The following PHACTR1 variants were observed in gnomAD, a reference collection of about 807,000 sequenced individuals.
The protein encoded by PHACTR1 is RPEL repeat containing 1.
PHACTR1 carries 16 observed loss-of-function variants against 69.2 expected under a neutral mutation model. The observed-to-expected ratio is 0.23, with a 90% CI of 0.16 to 0.35. The LOEUF (loss-of-function observed/expected upper bound fraction) is 0.35, where lower values mean the gene tolerates loss of function less well. Ranked by LOEUF, PHACTR1 falls within the 10% of genes least tolerant of loss-of-function variation. PHACTR1 has a pLI of 1.00. For synonymous variants in PHACTR1, 312 were observed against 284.5 expected, an observed-to-expected ratio of 1.10 and a Z score of -0.97; for missense variants, 510 against 734.7, an observed-to-expected ratio of 0.69 and a Z score of 3.54.
At chr6:13,164,433 G>A (rs1042755301) in intron 6 of PHACTR1, among the ~76,000 whole-genome samples, 2 of 152,050 alleles carry the variant, frequency 1.3e-5, no homozygotes, top group African/African-American at 4.8e-5. Context: ...GCTAGTTACC[G>A]GCAGCAAAAT....
At chr6:12,866,059 C>T (rs1340905841) in intron 4 of PHACTR1, among the ~76,000 whole-genome samples, 1 of 152,142 alleles carries the variant, frequency 6.6e-6, no homozygotes, top group Non-Finnish European at 1.5e-5. Flanking sequence ...GGGAGATTTA[C>T]AACTCTTTCA....
intron 4 of PHACTR1, among the ~76,000 whole-genome samples, chr6:13,024,670 TA>T (rs528664826): frequency 1.1e-3 from 166 of 152,340 alleles, no homozygotes; most frequent in Non-Finnish European, 1.1e-3. Context: ...GGCTGTTTTC[TA>T]CTAGTCATGA....
chr6:12,775,458 G>A (rs551635040), intron 4 of PHACTR1, among the ~76,000 whole-genome samples: 1 of 152,152 alleles, frequency 6.6e-6, no homozygotes, highest in Non-Finnish European at 1.5e-5. Context: ...TAATCGTGTG[G>A]CCTAATGTGA....
chr6:13,024,292 G>C (rs1393257996), intron 4 of PHACTR1, among the ~76,000 whole-genome samples: 4 of 152,166 alleles, frequency 2.6e-5, no homozygotes, highest in Non-Finnish European at 5.9e-5. Flanking sequence ...ACCAGAATTA[G>C]GTTCTTTCTT....
chr6:13,120,448 G>A (rs1818533757), intron 5 of PHACTR1, among the ~76,000 whole-genome samples: 1 of 152,236 alleles, frequency 6.6e-6, no homozygotes, highest in South Asian at 2.1e-4. Flanking sequence ...GTTAAGGACA[G>A]AGTCCAGGAA....
At chr6:13,209,640 A>G (rs769276786) in intron 8 of PHACTR1, among the ~76,000 whole-genome samples, 1 of 152,212 alleles carries the variant, frequency 6.6e-6, no homozygotes, top group African/African-American at 2.4e-5. Context: ...CATCTTATCA[A>G]TGAAAGGGGC....
rs907716123 is a variant in PHACTR1 at position 12,934,004 on chromosome 6, T to C, written c.251-119361T>C. The C allele has an allele frequency of 2.0e-6, 3 of 1,488,474 alleles. No individual in the cohort carries two copies. The Admixed American group carries it at 6.8e-5, about 34-fold the overall frequency. 92.2% of individuals were successfully genotyped at this position (1,488,474 alleles called of 1,614,324 possible). The stretch of plus-strand genomic sequence containing the variant: ...CCACAAACTACATGACATAAAACAA[T>C]ATCAATTTGCTCTCTGATGGTTCTG... On this transcript the variant is annotated intron_variant, in intron 4 of 14. Transcript: ENST00000332995.
At chr6:12,879,411 G>C (rs147250260) in intron 4 of PHACTR1, among the ~76,000 whole-genome samples, 197 of 152,266 alleles carry the variant, frequency 1.3e-3, no homozygotes, top group African/African-American at 4.5e-3. Flanking sequence ...TCAGGCAACT[G>C]GGGAACCCTC....
chr6:13,035,393 T>G (rs1483914089), intron 4 of PHACTR1, among the ~76,000 whole-genome samples: 3 of 151,316 alleles, frequency 2.0e-5, no homozygotes, highest in Non-Finnish European at 4.4e-5. Flanking sequence ...GTTTATCTTT[T>G]CAAAATATAA....
intron 4 of PHACTR1, among the ~76,000 whole-genome samples, chr6:12,818,239 G>C (rs1050233125): frequency 1.3e-5 from 2 of 152,164 alleles, no homozygotes; most frequent in African/African-American, 2.4e-5. Flanking sequence ...TCTGTGACTT[G>C]GCTGGGTGGT....
chr6:13,019,717 G>C (rs1037849451), intron 4 of PHACTR1, among the ~76,000 whole-genome samples: 1 of 152,102 alleles, frequency 6.6e-6, no homozygotes, highest in South Asian at 2.1e-4. Context: ...ATCCTCATTT[G>C]TCTAAAGGAG....
chr6:12,950,887 C>T (rs1407589004), intron 4 of PHACTR1, among the ~76,000 whole-genome samples: 1 of 152,194 alleles, frequency 6.6e-6, no homozygotes, highest in Non-Finnish European at 1.5e-5. Flanking sequence ...TTCATTTGCG[C>T]CATTACCTAG....
chr6:12,729,597 G>A (rs74647410), intron 3 of PHACTR1, among the ~76,000 whole-genome samples: 2,087 of 152,266 alleles, frequency 0.014, 51 homozygotes, highest in African/African-American at 0.047. Flanking sequence ...GTCATGGCAC[G>A]TGAGGCTGTG....
At chr6:13,095,826 AG>A (rs1814146326) in intron 5 of PHACTR1, among the ~76,000 whole-genome samples, 1 of 146,724 alleles carries the variant, frequency 6.8e-6, no homozygotes, top group Non-Finnish European at 1.5e-5. Context: ...ATCTAGAGGA[AG>A]AACTGGGTTT....
intron 5 of PHACTR1, among the ~76,000 whole-genome samples, chr6:13,117,159 T>G (rs560222386): frequency 2.0e-5 from 3 of 152,176 alleles, no homozygotes; most frequent in Non-Finnish European, 4.4e-5. Flanking sequence ...ACACTTTTCT[T>G]TGGAAACCTG....
At chr6:12,739,414 G>A (rs1764743849) in intron 3 of PHACTR1, among the ~76,000 whole-genome samples, 1 of 151,924 alleles carries the variant, frequency 6.6e-6, no homozygotes. Flanking sequence ...TTATTTTAAT[G>A]GATTAATTAA....
intron 4 of PHACTR1, among the ~76,000 whole-genome samples, chr6:12,857,012 G>A (rs1458876672): frequency 6.6e-6 from 1 of 152,064 alleles, no homozygotes; most frequent in Non-Finnish European, 1.5e-5. Context: ...TTCTGTTTGA[G>A]GAATATTGTG....
intron 4 of PHACTR1, among the ~76,000 whole-genome samples, chr6:12,780,249 CTGTGTGTG>C (rs71552713): frequency 0.32 from 47,557 of 147,440 alleles, 9,063 homozygotes; most frequent in South Asian, 0.44. Flanking sequence ...TATCTTTTCT[CTGTGTGTG>C]TGTGTGTGTG....
intron 5 of PHACTR1, among the ~76,000 whole-genome samples, chr6:13,152,318 A>C (rs1384667746): frequency 6.6e-6 from 1 of 151,974 alleles, no homozygotes; most frequent in Non-Finnish European, 1.5e-5. Context: ...TGGGCAACAG[A>C]GCAAGACTCC....
Sources: allele counts gnomAD v4.1 joint callset (sites outside exome capture counted in the v4.1 genomes callset), GRCh38; gene constraint gnomAD v4.1.1; transcripts MANE v1.5; gene names NCBI Gene and HGNC (gene_info 2026-07-23, HGNC 2026-07-21).